The following OGDH variants were observed in gnomAD, a reference collection of about 807,000 sequenced individuals.
The protein encoded by OGDH is 2-oxoglutarate dehydrogenase complex component E1.
A neutral mutation model predicts 116.6 loss-of-function variants in OGDH; 38 were observed. The ratio of observed to expected loss-of-function variants is 0.33; its 90% CI spans 0.25 to 0.43. The LOEUF is 0.43. OGDH is among the 20% of genes least tolerant of loss of function. OGDH has a pLI of 1.00. For missense variants in OGDH, 825 were observed against 1,357.2 expected (o/e 0.61, Z 6.16); for synonymous variants, 488 against 533.3 (o/e 0.92, Z 1.17).
intron 1 of OGDH, among the ~76,000 whole-genome samples, chr7:44,619,704 C>T (rs749492717): frequency 1.3e-5 from 2 of 152,054 alleles, no homozygotes; most frequent in African/African-American, 2.4e-5. Context: ...CTCATAGCAA[C>T]AATAATGCTG....
Position 44,708,254 on chromosome 7 carries a change from A to C in OGDH, c.*255A>C. ...GAGGCCGGGGGGAGCAGGAGGAGGA[A>C]AGGTAGCCCCCGAGGGATGTCCTTG... On this transcript the variant is annotated 3_prime_UTR_variant, in exon 23 of 23. Coordinates refer to ENST00000222673, the MANE Select transcript of OGDH (RefSeq NM_002541.4). 1 of 454,394 alleles carries C rather than the reference A, an allele frequency of 2.2e-6. No homozygotes were observed. The highest frequency in any genetic ancestry group is 3.9e-6 in the Non-Finnish European group (1 of 253,852). 28.1% of individuals were successfully genotyped at this position (454,394 alleles called of 1,614,324 possible).
chr7:44,702,462 C>G (rs1479566236), intron 20 of OGDH, among the ~76,000 whole-genome samples: 2 of 151,842 alleles, frequency 1.3e-5, no homozygotes, highest in Admixed American at 6.5e-5. Context: ...TTACCACCCA[C>G]CAGGGGTCAC....
chr7:44,618,623 G>C (rs1232442661), intron 1 of OGDH, among the ~76,000 whole-genome samples: 1 of 152,192 alleles, frequency 6.6e-6, no homozygotes, highest in East Asian at 1.9e-4. Flanking sequence ...AACAGCTTCA[G>C]AGTGATAAAG....
intron 1 of OGDH, among the ~76,000 whole-genome samples, chr7:44,614,834 CTTTTTTTTT>C (rs201747358): frequency 2.9e-4 from 32 of 111,160 alleles, no homozygotes; most frequent in Non-Finnish European, 1.3e-4. Flanking sequence ...TCTTTTGGTT[CTTTTTTTTT>C]TTTTTTTTTT....
Position 44,673,922 on chromosome 7 carries a change from A to T in OGDH, c.769A>T (p.Arg257Trp). ...TNEEKRTLLA[R>W]LVRSTRFEEF... ...TGAGGAGAAACGGACCCTGCTGGCC[A>T]GGCTTGTGCGGTCCACCAGGTATGG... is the stretch of plus-strand genomic sequence containing the variant. Residue 257 changes from arginine (R) to tryptophan (W), a missense_variant, in exon 6 of 23, where the codon AGG (arginine) becomes TGG (tryptophan). By Grantham distance (101) the Arg-to-Trp change is moderately radical. Around this residue, in one of 7 missense-constraint regions of OGDH, gnomAD observed 171 missense variants for 276.8 expected, o/e 0.62. Coordinates refer to ENST00000222673, the MANE Select transcript of OGDH (RefSeq NM_002541.4). 6.2e-7 allele frequency: 1 copy of T among 1,614,226 alleles called. No individual in the cohort carries two copies. The highest frequency in any genetic ancestry group is 8.5e-7 in the Non-Finnish European group (1 of 1,180,040).
chr7:44,638,601 G>A (rs1188739025), intron 2 of OGDH, among the ~76,000 whole-genome samples: 3 of 152,156 alleles, frequency 2.0e-5, no homozygotes, highest in African/African-American at 7.2e-5. Context: ...CAACAGCAAG[G>A]GATAATTAGG....
intron 1 of OGDH, among the ~76,000 whole-genome samples, chr7:44,618,505 G>A (rs1209385180): frequency 1.3e-5 from 2 of 152,116 alleles, no homozygotes; most frequent in Non-Finnish European, 2.9e-5. Context: ...TCGTATATGG[G>A]TTTTTGTCCA....
chr7:44,637,809 A>C (rs1194018750), intron 2 of OGDH, among the ~76,000 whole-genome samples: 2 of 149,784 alleles, frequency 1.3e-5, no homozygotes, highest in African/African-American at 5.0e-5. Flanking sequence ...ATAGAGCCAG[A>C]CTCTGTCTCA....
Position 44,627,261 on chromosome 7 carries a change from C to T in OGDH, c.222+2696C>T, listed in dbSNP as rs1785243752. On this transcript the variant is annotated intron_variant, in intron 2 of 22. Coordinates refer to ENST00000222673, the MANE Select transcript of OGDH (RefSeq NM_002541.4). ...CCGCCTGCCTTGGCCTCCCAGAGTG[C>T]TGGGATTACAGGCGTGAGCCACGGC... Among the ~76,000 whole-genome samples the T allele has an allele frequency of 3.3e-5, 5 of 152,246 alleles. No homozygotes were observed. The South Asian group carries it at 6.2e-4, about 19-fold the overall frequency.
intron 4 of OGDH, among the ~76,000 whole-genome samples, chr7:44,663,222 T>A (rs1339124249): frequency 1.3e-5 from 2 of 152,218 alleles, no homozygotes; most frequent in African/African-American, 4.8e-5. Flanking sequence ...CCATTGAATG[T>A]TTTTTGATTT....
intron 14 of OGDH, among the ~76,000 whole-genome samples, 160 bp downstream of exon 14, chr7:44,696,717 C>T (rs560798458): frequency 6.6e-6 from 1 of 152,294 alleles, no homozygotes; most frequent in East Asian, 1.9e-4. Context: ...AGCCACCTCT[C>T]CCACTCCCTG....
chr7:44,619,436 A>C (rs1040546501), intron 1 of OGDH, among the ~76,000 whole-genome samples: 1 of 152,206 alleles, frequency 6.6e-6, no homozygotes, highest in African/African-American at 2.4e-5. Context: ...CCACACATTT[A>C]GTCACAGAAA....
chr7:44,689,392 C>CT (rs561058807), intron 10 of OGDH, among the ~76,000 whole-genome samples: 3,392 of 71,498 alleles, frequency 0.047, 200 homozygotes, highest in African/African-American at 0.061. Flanking sequence ...ATTTTTTTTT[C>CT]TTTTTTTTTT....
rs1787161327 is a variant in OGDH at position 44,665,827 on chromosome 7, G to T, written c.518-909G>T. Reference sequence around the variant, plus strand: ...TTATGTCAGGAGAGATGCCAAACTGGATAAAAGAATGTATGGTGTCATTTG... The same window carrying T: ...TTATGTCAGGAGAGATGCCAAACTGTATAAAAGAATGTATGGTGTCATTTG... On this transcript the variant is annotated intron_variant, in intron 4 of 22. Coordinates refer to ENST00000222673, the MANE Select transcript of OGDH (RefSeq NM_002541.4). Among the ~76,000 whole-genome samples, 6 of 152,326 alleles carry T rather than the reference G, an allele frequency of 3.9e-5. No homozygotes were observed. The South Asian group carries it at 1.2e-3, about 32-fold the overall frequency.
chr7:44,612,550 A>AT (rs904358462), intron 1 of OGDH, among the ~76,000 whole-genome samples: 24 of 150,764 alleles, frequency 1.6e-4, no homozygotes, highest in African/African-American at 5.1e-4. Flanking sequence ...CACCCTGCTA[A>AT]TTTTTTTTAT....
rs761441207 is a variant in OGDH, at chr7:44,676,019, A to G, written c.1076A>G (p.Asn359Ser). The G allele has an allele frequency of 2.5e-6, 4 of 1,614,172 alleles. No individual in the cohort carries two copies. The highest frequency in any genetic ancestry group is 1.1e-5 in the South Asian group (1 of 91,086). ...CTGGGCATGTATCACCGCAGGATCAATCGTGTCACCGACAGGAACATTACC... is the reference window on the plus strand; with the variant it reads ...CTGGGCATGTATCACCGCAGGATCAGTCGTGTCACCGACAGGAACATTACC... ...YHLGMYHRRI[N>S]RVTDRNITLS... is the part of the protein sequence containing the mutation. Residue 359 changes from asparagine to serine, a missense_variant, in exon 9 of 23, where the codon AAT (asparagine) becomes AGT (serine). Asn to Ser is a conservative substitution (Grantham distance 46). Coordinates refer to ENST00000222673, the MANE Select transcript of OGDH (RefSeq NM_002541.4).
At chr7:44,689,696 T>C (rs926811934) in intron 10 of OGDH, among the ~76,000 whole-genome samples, 2 of 152,162 alleles carry the variant, frequency 1.3e-5, no homozygotes, top group Non-Finnish European at 2.9e-5. Context: ...TTATTGGCTA[T>C]TTGTATATCT....
chr7:44,660,757 T>G (rs1463440691), intron 4 of OGDH, among the ~76,000 whole-genome samples: 1 of 152,088 alleles, frequency 6.6e-6, no homozygotes, highest in South Asian at 2.1e-4. Context: ...GACCCCTGTT[T>G]CCACCACCAC....
intron 5 of OGDH, among the ~76,000 whole-genome samples, chr7:44,673,195 A>G (rs2116139922): frequency 6.6e-6 from 1 of 152,100 alleles, no homozygotes; most frequent in East Asian, 1.9e-4. Context: ...GTGAGACCTC[A>G]TCTCTCCAAA....
Sources: allele counts gnomAD v4.1 joint callset (sites outside exome capture counted in the v4.1 genomes callset), GRCh38; gene constraint gnomAD v4.1.1; regional missense constraint gnomAD v4.1.1; transcripts MANE v1.5; gene names NCBI Gene and HGNC (gene_info 2026-07-23, HGNC 2026-07-21).